The following PCDH15 variants were observed in gnomAD, a reference collection of about 807,000 sequenced individuals.
PCDH15 encodes the protein protocadherin related 15, also known as protocadherin-15.
In PCDH15, 129 loss-of-function variants were observed where a neutral mutation model predicts 178.5. The observed-to-expected ratio is 0.72, with a 90% CI of 0.63 to 0.84. The LOEUF is 0.84. Among genes scored for constraint, PCDH15 ranks in the 40% least tolerant of loss-of-function variants. The probability of loss-of-function intolerance (pLI) is 0.00; values close to 1 mark genes in which losing one functional copy is unlikely to be tolerated. For synonymous variants in PCDH15, 800 were observed against 732.0 expected (o/e 1.09, Z -1.50); for missense variants, 2,230 against 2,099.9 (o/e 1.06, Z -1.21).
chr10:53,953,346 A>G (rs2087276519), intron 23 of PCDH15, among the ~76,000 whole-genome samples: 1 of 152,246 alleles, frequency 6.6e-6, no homozygotes, highest in South Asian at 2.1e-4. Context: ...GATTGATGTG[A>G]AAAGGTCAAG....
intron 2 of PCDH15, among the ~76,000 whole-genome samples, chr10:54,589,092 T>C (rs2091707226): frequency 6.6e-6 from 1 of 152,154 alleles, no homozygotes; most frequent in Non-Finnish European, 1.5e-5. Flanking sequence ...CATGATTTTA[T>C]AAAAAATAAT....
intron 3 of PCDH15, among the ~76,000 whole-genome samples, chr10:54,462,541 GTCTC>G (rs1705269919): frequency 1.0e-5 from 1 of 97,176 alleles, no homozygotes; most frequent in Admixed American, 1.5e-4. Flanking sequence ...TTGAGATGGA[GTCTC>G]TCTCTGTTAC....
At chr10:53,819,089 C>G (rs2076164490) in intron 33 of PCDH15, among the ~76,000 whole-genome samples, 1 of 152,006 alleles carries the variant, frequency 6.6e-6, no homozygotes, top group Non-Finnish European at 1.5e-5. Context: ...ATTTATAAGA[C>G]TGATAATTCT....
intron 18 of PCDH15, among the ~76,000 whole-genome samples, chr10:54,062,788 A>G (rs1241590020): frequency 6.6e-6 from 1 of 152,104 alleles, no homozygotes. Context: ...AAAAAATAAG[A>G]AAAAAAGGAA....
At chr10:53,853,955 T>C (rs1347285304) in intron 28 of PCDH15, among the ~76,000 whole-genome samples, 1 of 152,010 alleles carries the variant, frequency 6.6e-6, no homozygotes, top group Non-Finnish European at 1.5e-5. Context: ...AGATATATTT[T>C]AATATTTATG....
At chr10:53,975,933 A>G (rs2090146854) in intron 21 of PCDH15, among the ~76,000 whole-genome samples, 3 of 152,102 alleles carry the variant, frequency 2.0e-5, no homozygotes, top group African/African-American at 7.2e-5. Flanking sequence ...ATTCATATCA[A>G]AAAAATTTTT....
intron 2 of PCDH15, among the ~76,000 whole-genome samples, chr10:54,993,992 T>C (rs935818271): frequency 6.6e-6 from 1 of 152,166 alleles, no homozygotes; most frequent in Non-Finnish European, 1.5e-5. Context: ...ACCAGACTCC[T>C]GTACATAATT....
chr10:53,837,392 G>A (rs1370299213), intron 29 of PCDH15, among the ~76,000 whole-genome samples: 2 of 151,980 alleles, frequency 1.3e-5, no homozygotes, highest in African/African-American at 2.4e-5. Context: ...TTAAAATACC[G>A]ATAAGCTGGC....
At chr10:54,458,539 C>G (rs908888295) in intron 3 of PCDH15, among the ~76,000 whole-genome samples, 1 of 151,980 alleles carries the variant, frequency 6.6e-6, no homozygotes, top group Non-Finnish European at 1.5e-5. Flanking sequence ...TCAGATTACT[C>G]AAGTGTCATC....
At chr10:54,254,638 T>G (rs955055241) in intron 8 of PCDH15, among the ~76,000 whole-genome samples, 1 of 152,092 alleles carries the variant, frequency 6.6e-6, no homozygotes, top group Admixed American at 6.6e-5. Flanking sequence ...CTTGGGAGAT[T>G]AGGGTCTTTT....
In PCDH15 at chr10:55,008,677, T is replaced by C. The variant is rs1410953328; in HGVS notation, c.-79-111177A>G. Among the ~76,000 whole-genome samples, 6 of 152,146 alleles carry C rather than the reference T, an allele frequency of 3.9e-5. No individual in the cohort carries two copies. The East Asian group carries it at 1.2e-3, about 29-fold the overall frequency. ...CATAATACCCCCAGCAACAAGTAAA[T>C]CCGTGGACTCAAAGACAGGCAGGCC... On this transcript the variant is annotated intron_variant, in intron 2 of 5. Transcript: ENST00000458638.
At chr10:54,569,255 T>G (rs955692656) in intron 2 of PCDH15, among the ~76,000 whole-genome samples, 3 of 152,146 alleles carry the variant, frequency 2.0e-5, no homozygotes, top group African/African-American at 7.2e-5. Flanking sequence ...AAAACTATAC[T>G]GTGAAGAAAA....
intron 2 of PCDH15, among the ~76,000 whole-genome samples, chr10:54,996,413 C>T (rs1281141836): frequency 6.6e-6 from 1 of 152,084 alleles, no homozygotes; most frequent in East Asian, 1.9e-4. Context: ...AGGAAAACAC[C>T]CTGGCTGTTT....
At chr10:54,759,440 A>G (rs1947580411) in intron 1 of PCDH15, among the ~76,000 whole-genome samples, 1 of 152,228 alleles carries the variant, frequency 6.6e-6, no homozygotes, top group Admixed American at 6.5e-5. Flanking sequence ...ACTAATATAT[A>G]TAAATCCTAA....
chr10:55,486,132 C>A (rs1840292074), intron 2 of PCDH15, among the ~76,000 whole-genome samples: 1 of 151,730 alleles, frequency 6.6e-6, no homozygotes, highest in East Asian at 1.9e-4. Flanking sequence ...GTTTTGTATT[C>A]TTTCACTGTA....
At chr10:54,105,194 C>A (rs972637433) in intron 15 of PCDH15, among the ~76,000 whole-genome samples, 1 of 149,654 alleles carries the variant, frequency 6.7e-6, no homozygotes, top group Non-Finnish European at 1.5e-5. Context: ...CCACTCCTGG[C>A]ACCAAAATCT....
chr10:54,894,456 G>A (rs1487974825), intron 3 of PCDH15, among the ~76,000 whole-genome samples: 2 of 152,044 alleles, frequency 1.3e-5, no homozygotes, highest in Non-Finnish European at 2.9e-5. Flanking sequence ...AGTAATGTGG[G>A]CTAGCCAGAC....
intron 2 of PCDH15, among the ~76,000 whole-genome samples, chr10:55,364,470 T>C (rs1046695694): frequency 3.9e-5 from 6 of 152,156 alleles, no homozygotes; most frequent in Non-Finnish European, 5.9e-5. Context: ...TCGTATATAA[T>C]GTATTTTTTT....
At chr10:53,996,609 G>A (rs904220386) in intron 20 of PCDH15, among the ~76,000 whole-genome samples, 7 of 152,106 alleles carry the variant, frequency 4.6e-5, no homozygotes, top group Admixed American at 4.6e-4. Context: ...TAGTAACTTT[G>A]ACTAAATTAA....
Sources: gnomAD v4.1 joint callset for allele counts (sites outside exome capture counted in the v4.1 genomes callset) on GRCh38, gnomAD v4.1.1 for gene constraint, MANE v1.5 for transcripts, NCBI Gene and HGNC (gene_info 2026-07-23, HGNC 2026-07-21) for gene names.